PXT1: variants seen among roughly 807,000 people sequenced by gnomAD.
The protein encoded by PXT1 is peroxisomal testis-specific protein 1.
PXT1 carries 11 observed loss-of-function variants against 11.0 expected under a neutral mutation model. The observed-to-expected ratio is 1.00, with a 90% CI of 0.63 to 1.66. PXT1 has a LOEUF of 1.66. Ranked by LOEUF, PXT1 falls within the 40% of genes most tolerant of loss-of-function variation. PXT1 has a pLI of 0.00. For synonymous variants in PXT1, 43 were observed against 51.4 expected, an observed-to-expected ratio of 0.84 and a Z score of 0.70; for missense variants, 141 against 155.5, an observed-to-expected ratio of 0.91 and a Z score of 0.49.
intron 1 of PXT1, among the ~76,000 whole-genome samples, chr6:36,439,871 C>G (rs537134738): frequency 6.6e-6 from 1 of 152,252 alleles, no homozygotes; most frequent in East Asian, 1.9e-4. Flanking sequence ...TTTCCTGACT[C>G]CCCTATCCTG....
chr6:36,425,368 A>G (rs960082075), intron 3 of PXT1, among the ~76,000 whole-genome samples: 1 of 152,220 alleles, frequency 6.6e-6, no homozygotes, highest in Non-Finnish European at 1.5e-5. Context: ...TGGTCGTCAC[A>G]GCAATGATTC....
chr6:36,416,758 T>C (rs1010244114), intron 3 of PXT1, among the ~76,000 whole-genome samples: 1 of 152,248 alleles, frequency 6.6e-6, no homozygotes, highest in Non-Finnish European at 1.5e-5. Context: ...ATAGATACTA[T>C]AATGTAAACC....
chr6:36,408,888 T>C (rs962959423), intron 3 of PXT1, among the ~76,000 whole-genome samples: 3 of 150,436 alleles, frequency 2.0e-5, no homozygotes, highest in Admixed American at 2.0e-4. Context: ...AAAAAAAAAA[T>C]ACTTTGTAAA....
At chr6:36,399,722 A>C (rs1774189008) in intron 4 of PXT1, among the ~76,000 whole-genome samples, 1 of 152,184 alleles carries the variant, frequency 6.6e-6, no homozygotes, top group Non-Finnish European at 1.5e-5. Context: ...CTCTCCTGCC[A>C]AATACAGGTT....
chr6:36,397,754 A>C (rs1774163191), intron 4 of PXT1, among the ~76,000 whole-genome samples: 1 of 152,182 alleles, frequency 6.6e-6, no homozygotes, highest in Non-Finnish European at 1.5e-5. Context: ...TTACATCTAG[A>C]ATATACAAAT....
intron 4 of PXT1, among the ~76,000 whole-genome samples, chr6:36,399,197 G>A (rs1352020549): frequency 6.6e-6 from 1 of 151,686 alleles, no homozygotes; most frequent in Non-Finnish European, 1.5e-5. Flanking sequence ...CCAGACTGGA[G>A]TACAGTGGCA....
intron 2 of PXT1, among the ~76,000 whole-genome samples, chr6:36,432,323 A>G (rs1774704705): frequency 6.6e-6 from 1 of 152,176 alleles, no homozygotes; most frequent in South Asian, 2.1e-4. Flanking sequence ...GTAAAGAACT[A>G]AAAATAAAAA....
chr6:36,424,738 C>T (rs911087953), intron 3 of PXT1, among the ~76,000 whole-genome samples: 1 of 152,096 alleles, frequency 6.6e-6, no homozygotes, highest in Non-Finnish European at 1.5e-5. Flanking sequence ...CGGTGGCTCA[C>T]ACCTGTAATC....
At chr6:36,433,837 A>AGAAAG (rs1554155715) in intron 2 of PXT1, among the ~76,000 whole-genome samples, 20 of 132,864 alleles carry the variant, frequency 1.5e-4, no homozygotes, top group African/African-American at 4.5e-4. Context: ...AAAAAAAAAA[A>AGAAAG]AAAGAAAAGA....
At chr6:36,426,176 T>A in intron 2 of PXT1, 85 bp from the exon 3 acceptor site, 1 of 844,042 alleles carries the variant, frequency 1.2e-6, no homozygotes, top group Non-Finnish European at 1.8e-6. Context: ...GTTTTAACAA[T>A]ATCAGCAGCA....
In PXT1 at chr6:36,390,821, A is replaced by G. The variant is rs1176308029; in HGVS notation, c.*949T>C. 1.3e-5 allele frequency: 2 copies of G among 152,264 alleles called. No individual in the cohort carries two copies. Among genetic ancestry groups the G allele is most frequent in the African/African-American group, 4.8e-5 (2 of 41,460 alleles). 9.4% of individuals were successfully genotyped at this position (152,264 alleles called of 1,614,324 possible). On this transcript the variant is annotated 3_prime_UTR_variant, in exon 5 of 5. Coordinates refer to ENST00000454782, the MANE Select transcript of PXT1 (RefSeq NM_152990.4). ...TCCACAGGCAAAGGGCCCACCAACCAATAATAGCAAAACCATCCAGCAATA... is the reference window on the plus strand; with the variant it reads ...TCCACAGGCAAAGGGCCCACCAACCGATAATAGCAAAACCATCCAGCAATA...
chr6:36,431,018 G>C lies in PXT1; in HGVS notation c.-9-4927C>G, dbSNP rs183217072. ...CTTACTAGAGATAGGGTTTCACCAT[G>C]TTGGCCAGGCTGGTATCAAACTCCT... On this transcript the variant is annotated intron_variant, in intron 2 of 4. Coordinates refer to ENST00000454782, the MANE Select transcript of PXT1 (RefSeq NM_152990.4). Among the ~76,000 whole-genome samples the C allele has an allele frequency of 4.4e-4, 67 of 152,162 alleles. 1 individual carries two copies. The highest frequency in any genetic ancestry group is 4.0e-3 in the Admixed American group (61 of 15,298).
chr6:36,392,005 T>C, intron 4 of PXT1, 131 bp from the exon 5 acceptor site: 3 of 645,240 alleles, frequency 4.6e-6, no homozygotes, highest in Non-Finnish European at 8.0e-6. Context: ...GCTTCTTGGG[T>C]TGCTTTATGA....
At chr6:36,438,589 A>C (rs1374493269) in intron 2 of PXT1, among the ~76,000 whole-genome samples, 178 bp downstream of exon 2, 2 of 151,856 alleles carry the variant, frequency 1.3e-5, no homozygotes, top group East Asian at 3.9e-4. Context: ...CGCCCGGCTA[A>C]TTGTTTGTAT....
chr6:36,425,800 C>CAAAAACAAACAA (rs1433662209), intron 3 of PXT1, 114 bp downstream of exon 3: 67 of 216,424 alleles, frequency 3.1e-4, no homozygotes, highest in East Asian at 1.7e-3. Context: ...AAAACAAAAA[C>CAAAAACAAACAA]AAAAAATATA....
chr6:36,397,890 C>T (rs970540991), intron 4 of PXT1, among the ~76,000 whole-genome samples: 1 of 151,834 alleles, frequency 6.6e-6, no homozygotes, highest in Non-Finnish European at 1.5e-5. Flanking sequence ...GTGACATGTG[C>T]CTGTGGTCTC....
intron 3 of PXT1, among the ~76,000 whole-genome samples, chr6:36,412,448 T>C (rs560941741): frequency 2.2e-3 from 329 of 150,880 alleles, no homozygotes; most frequent in African/African-American, 7.6e-3. Flanking sequence ...GATCACGAGG[T>C]CAAGAAATCG....
chr6:36,438,455 G>A (rs1398145577), intron 2 of PXT1, among the ~76,000 whole-genome samples: 3 of 152,030 alleles, frequency 2.0e-5, no homozygotes, highest in Non-Finnish European at 4.4e-5. Context: ...ACTGAGTCTC[G>A]CTCTGTCGCC....
rs148553371 is a variant in PXT1, at chr6:36,395,493, A to ATTTTTTTTTTT, written c.301-3630_301-3620dup. Among the ~76,000 whole-genome samples, 3 of 73,312 alleles carry ATTTTTTTTTTT rather than the reference A, an allele frequency of 4.1e-5. 1 individual carries two copies. The highest frequency in any genetic ancestry group is 7.1e-5 in the Non-Finnish European group (3 of 42,404). 48.1% of individuals were successfully genotyped at this position (73,312 alleles called of 152,430 possible). On this transcript the variant is annotated intron_variant, in intron 4 of 4. Transcript: ENST00000454782. ...TCAGCATTTCAGAGCCAAACTTAGG[A>ATTTTTTTTTTT]TTTTTTTTTTTTTTTTTTTTTTTTT...
Sources: gnomAD v4.1 joint callset for allele counts (sites outside exome capture counted in the v4.1 genomes callset) on GRCh38, gnomAD v4.1.1 for gene constraint, MANE v1.5 for transcripts, NCBI Gene and HGNC (gene_info 2026-07-23, HGNC 2026-07-21) for gene names.